Variants in MCF2L2 observed in about 807,000 individuals in gnomAD.
The protein encoded by MCF2L2 is probable guanine nucleotide exchange factor MCF2L2.
A neutral mutation model predicts 150.2 loss-of-function variants in MCF2L2; 102 were observed. The ratio of observed to expected loss-of-function variants is 0.68; its 90% CI spans 0.58 to 0.80. The LOEUF (loss-of-function observed/expected upper bound fraction) is 0.80, where lower values mean the gene tolerates loss of function less well. MCF2L2 is among the 30% of genes least tolerant of loss of function. The pLI, the probability that MCF2L2 is intolerant of heterozygous loss-of-function variation, is 0.00. For missense variants in MCF2L2, 1,256 were observed against 1,372.8 expected, an observed-to-expected ratio of 0.91 and a Z score of 1.34; for synonymous variants, 465 against 491.3, an observed-to-expected ratio of 0.95 and a Z score of 0.71.
At chr3:183,228,209 C>A in intron 18 of MCF2L2, 88 bp downstream of exon 18, 1 of 922,962 alleles carries the variant, frequency 1.1e-6, no homozygotes, top group South Asian at 1.4e-5. Flanking sequence ...GTTTTTAGAC[C>A]ATTGATGTTT....
chr3:183,302,214 C>A (rs1330904015), intron 10 of MCF2L2, among the ~76,000 whole-genome samples: 2 of 152,212 alleles, frequency 1.3e-5, no homozygotes, highest in Non-Finnish European at 2.9e-5. Flanking sequence ...GACTTCACCT[C>A]GCATGCCTTT....
intron 15 of MCF2L2, among the ~76,000 whole-genome samples, chr3:183,247,353 C>T (rs1724305306): frequency 6.6e-6 from 1 of 152,154 alleles, no homozygotes; most frequent in Non-Finnish European, 1.5e-5. Flanking sequence ...TCCGTGTATG[C>T]CTGGCATTTG....
rs958670537 is a variant in MCF2L2 at position 183,305,548 on chromosome 3, G to A, written c.1113+4168C>T. The stretch of plus-strand genomic sequence containing the variant: ...GGTCCAAATGGGTCTAGGGAGAAAC[G>A]CCCATAAAGGCAACTGAGGAGGCCG... On this transcript the variant is annotated intron_variant, in intron 10 of 29. Coordinates refer to ENST00000328913, the MANE Select transcript of MCF2L2 (RefSeq NM_015078.4). The surrounding 1 kb of genome is among the most constrained non-coding windows in gnomAD (Gnocchi z 4.1). 1.3e-5 allele frequency among the ~76,000 whole-genome samples: 2 copies of A among 152,100 alleles called. No homozygotes were observed. Among genetic ancestry groups the A allele is most frequent in the African/African-American group, 2.4e-5 (1 of 41,424 alleles).
chr3:183,272,759 T>C lies in MCF2L2; in HGVS notation c.1862+4113A>G, dbSNP rs974801058. ...TAATTTTTATTAGTTGATTGATTAATGATGTATTGCCTTTTGCCCATATAT... is the reference window on the plus strand; with the variant it reads ...TAATTTTTATTAGTTGATTGATTAACGATGTATTGCCTTTTGCCCATATAT... On this transcript the variant is annotated intron_variant, in intron 15 of 29. Transcript: ENST00000328913. The C allele has an allele frequency of 1.8e-5, 19 of 1,081,630 alleles. No individual in the cohort carries two copies. In the African/African-American group the frequency reaches 3.0e-4, roughly 17 times the overall value. The allele number at this position is 1,081,630 out of a possible 1,614,324, so 67.0% of individuals were successfully genotyped here. A position where few individuals can be genotyped will look rare whatever the true frequency, so the allele number is the denominator to read the frequency against.
At chr3:183,271,646 A>C (rs1726793502) in intron 15 of MCF2L2, 1 of 167,010 alleles carries the variant, frequency 6.0e-6, no homozygotes, top group African/African-American at 2.4e-5. Flanking sequence ...TTTAAGTATT[A>C]GAAAATGACA....
Position 183,220,008 on chromosome 3 carries a change from A to ACCAATGCTATCTGCCAAAC in MCF2L2, c.2302-85_2302-84insGTTTGGCAGATAGCATTGG, listed in dbSNP as rs1324214302. ...ATTGTCAACAAAATCTACTGTGCAAACTATCTGCCACCAATGCTAAGCTGA... is the reference window on the plus strand; with the variant it reads ...ATTGTCAACAAAATCTACTGTGCAAACCAATGCTATCTGCCAAACCTATCTGCCACCAATGCTAAGCTGA... On this transcript the variant is annotated intron_variant, in intron 20 of 29. Coordinates refer to ENST00000328913, the MANE Select transcript of MCF2L2 (RefSeq NM_015078.4). 1.4e-5 allele frequency: 13 copies of ACCAATGCTATCTGCCAAAC among 913,210 alleles called. No homozygotes were observed. In the Admixed American group the frequency reaches 2.3e-4, roughly 16 times the overall value. The allele number at this position is 913,210 out of a possible 1,614,324, so 56.6% of individuals were successfully genotyped here. A position where few individuals can be genotyped will look rare whatever the true frequency, so the allele number is the denominator to read the frequency against.
At chr3:183,254,841 G>C (rs886475967) in intron 15 of MCF2L2, 2 of 152,250 alleles carry the variant, frequency 1.3e-5, no homozygotes, top group African/African-American at 4.8e-5. Context: ...CCCTGGCGGG[G>C]AGGTCGTGGC....
chr3:183,198,927 T>C (rs751076070), intron 25 of MCF2L2, among the ~76,000 whole-genome samples: 10 of 152,190 alleles, frequency 6.6e-5, no homozygotes, highest in Non-Finnish European at 1.5e-4. Context: ...TACCATGACA[T>C]ATATTTAACA....
intron 11 of MCF2L2, 108 bp from the exon 12 acceptor site, chr3:183,297,275 A>T: frequency 2.1e-6 from 2 of 957,736 alleles, no homozygotes; most frequent in South Asian, 3.2e-5. Context: ...ATTCCCAGAC[A>T]ATGGGAAATT....
In MCF2L2 at chr3:183,179,977, G is replaced by T; in HGVS notation, c.3105+94C>A. 9.7e-7 allele frequency: 1 copy of T among 1,027,312 alleles called. No homozygotes were observed. Among genetic ancestry groups the T allele is most frequent in the South Asian group, 1.4e-5 (1 of 71,678 alleles). The allele number at this position is 1,027,312 out of a possible 1,614,324, so 63.6% of individuals were successfully genotyped here. A position where few individuals can be genotyped will look rare whatever the true frequency, so the allele number is the denominator to read the frequency against. The stretch of plus-strand genomic sequence containing the variant: ...CCTTATGGGTGAGAATCCTGAGGAG[G>T]GGGAGAGGGATGGAGGCTAGGGACA... On this transcript the variant is annotated intron_variant, in intron 28 of 29. Transcript: ENST00000328913. The surrounding 1 kb of genome is among the most constrained non-coding windows in gnomAD (Gnocchi z 4.2).
rs1325779690 is a variant in MCF2L2, at chr3:183,338,923, C to A, written c.367-4G>T. The A allele has an allele frequency of 1.5e-5, 24 of 1,593,610 alleles. No homozygotes were observed. Among genetic ancestry groups the A allele is most frequent in the Non-Finnish European group, 1.9e-5 (22 of 1,165,644 alleles). On this transcript the variant is annotated splice_region_variant and splice_polypyrimidine_tract_variant and intron_variant, in intron 4 of 29. Coordinates refer to ENST00000328913, the MANE Select transcript of MCF2L2 (RefSeq NM_015078.4). ...GTAAGTTTCCTGGAAATGCCACCTG[C>A]AAGCATCAGGAAAAGTGTCAGGAGG...
At chr3:183,282,616 G>A (rs775229433) in intron 14 of MCF2L2, among the ~76,000 whole-genome samples, 6 of 152,148 alleles carry the variant, frequency 3.9e-5, no homozygotes, top group Non-Finnish European at 7.3e-5. Context: ...AGTGTGCCAA[G>A]GACACTGAAA....
chr3:183,309,645 A>G (rs1560014022), intron 10 of MCF2L2, 71 bp downstream of exon 10: 1 of 1,603,602 alleles, frequency 6.2e-7, no homozygotes, highest in Non-Finnish European at 8.5e-7. Context: ...TCCAATAGCA[A>G]TGACTGGACA....
At chr3:183,402,451 C>CAAAAAAAAAAAAAAAA (rs779201489) in intron 1 of MCF2L2, among the ~76,000 whole-genome samples, 20 of 54,768 alleles carry the variant, frequency 3.7e-4, no homozygotes, top group Middle Eastern at 0.013. Flanking sequence ...GAGACTCCAT[C>CAAAAAAAAAAAAAAAA]AAAAAAAAAA....
At chr3:183,351,395 G>A (rs1012373427) in intron 3 of MCF2L2, among the ~76,000 whole-genome samples, 2 of 151,272 alleles carry the variant, frequency 1.3e-5, no homozygotes, top group Non-Finnish European at 2.9e-5. Flanking sequence ...TTTTTGGTAA[G>A]CAAGGTATAG....
chr3:183,225,787 G>T (rs888572888), intron 18 of MCF2L2: 1 of 152,186 alleles, frequency 6.6e-6, no homozygotes, highest in Non-Finnish European at 1.5e-5. Context: ...CTCAAAAAAT[G>T]GTGGCTATTG....
In MCF2L2 at chr3:183,382,395, A is replaced by C. The variant is rs750622142; in HGVS notation, c.161-2984T>G. ...TTTTATAGTTGACTGTATTAAAGCCATCCTCACCTAAATGAAAAAAGGTGA... is the reference window on the plus strand; with the variant it reads ...TTTTATAGTTGACTGTATTAAAGCCCTCCTCACCTAAATGAAAAAAGGTGA... On this transcript the variant is annotated intron_variant, in intron 2 of 29. Transcript: ENST00000328913. Among the ~76,000 whole-genome samples, 61 of 152,250 alleles carry C rather than the reference A, an allele frequency of 4.0e-4. 1 individual carries two copies. In the Middle Eastern group the frequency reaches 0.01, roughly 25 times the overall value.
At chr3:183,206,943 A>G (rs146930640) in intron 23 of MCF2L2, among the ~76,000 whole-genome samples, 49 of 47,154 alleles carry the variant, frequency 1.0e-3, no homozygotes, top group South Asian at 5.7e-3. Flanking sequence ...GGAAGGAAGG[A>G]AGGAAGGAAG....
chr3:183,217,196 A>G (rs1722974559), intron 21 of MCF2L2, among the ~76,000 whole-genome samples: 1 of 145,978 alleles, frequency 6.9e-6, no homozygotes, highest in Non-Finnish European at 1.5e-5. Context: ...TGGGAGGTTG[A>G]GGCAGGAGAA....
Sources: allele counts gnomAD v4.1 joint callset (sites outside exome capture counted in the v4.1 genomes callset), GRCh38; gene constraint gnomAD v4.1.1; non-coding constraint Gnocchi (gnomAD v3.1); transcripts MANE v1.5; gene names NCBI Gene and HGNC (gene_info 2026-07-23, HGNC 2026-07-21).